The following FGF10 variants were observed in gnomAD, a reference collection of about 807,000 sequenced individuals.
FGF10 encodes the protein fibroblast growth factor 10.
FGF10 carries 2 observed loss-of-function variants against 19.8 expected under a neutral mutation model. That is an observed-to-expected ratio of 0.10 (90% CI 0.04 to 0.32). The LOEUF (loss-of-function observed/expected upper bound fraction) is 0.32, where lower values mean the gene tolerates loss of function less well. Among genes scored for constraint, FGF10 ranks in the 10% least tolerant of loss-of-function variants. The probability of loss-of-function intolerance (pLI) is 1.00; values close to 1 mark genes in which losing one functional copy is unlikely to be tolerated. For missense variants in FGF10, 191 were observed against 246.3 expected (o/e 0.78, Z 1.50); for synonymous variants, 112 against 94.0 (o/e 1.19, Z -1.10).
At position 44,355,582 on chromosome 5, in the gene FGF10, A is replaced by T. The variant is rs183428537; in HGVS notation, c.325+32776T>A. Among the ~76,000 whole-genome samples the T allele has an allele frequency of 2.4e-3, 360 of 151,494 alleles. 3 individuals carry two copies. Among genetic ancestry groups the T allele is most frequent in the Non-Finnish European group, 4.4e-3 (294 of 67,568 alleles). ...GAACTAACAAACGTTTCAGACTCAT[A>T]GTGCAAAACAAAGGAAGACTAATTG... On this transcript the variant is annotated intron_variant, in intron 1 of 2. Coordinates refer to ENST00000264664, the MANE Select transcript of FGF10 (RefSeq NM_004465.2).
At chr5:44,371,344 A>T (rs1741737520) in intron 1 of FGF10, among the ~76,000 whole-genome samples, 2 of 152,128 alleles carry the variant, frequency 1.3e-5, no homozygotes, top group South Asian at 4.1e-4. Context: ...TGGACTTCTC[A>T]GACTTCAGAA....
At chr5:44,384,237 T>C (rs1486216687) in intron 1 of FGF10, among the ~76,000 whole-genome samples, 2 of 152,102 alleles carry the variant, frequency 1.3e-5, no homozygotes, top group Non-Finnish European at 2.9e-5. Flanking sequence ...CATGGATTTT[T>C]CTTAAATAGT....
chr5:44,324,489 T>A (rs1287731544), intron 1 of FGF10, among the ~76,000 whole-genome samples: 2 of 152,164 alleles, frequency 1.3e-5, no homozygotes, highest in Non-Finnish European at 2.9e-5. Context: ...GAAATGTTTT[T>A]ATTTACATTT....
At position 44,304,872 on chromosome 5, in the gene FGF10, T is replaced by G; in HGVS notation, c.*123A>C. 1.0e-6 allele frequency: 1 copy of G among 987,002 alleles called. No homozygotes were observed. The highest frequency in any genetic ancestry group is 1.6e-6 in the Non-Finnish European group (1 of 622,384). 61.1% of individuals were successfully genotyped at this position (987,002 alleles called of 1,614,324 possible). On this transcript the variant is annotated 3_prime_UTR_variant, in exon 3 of 3. Transcript: ENST00000264664. Reference sequence around the variant, plus strand: ...CAAAAACCTTCAAAGGCTGGCTTTCTTTTAAGCAAGCAGACATCTGCAACG... The same window carrying G: ...CAAAAACCTTCAAAGGCTGGCTTTCGTTTAAGCAAGCAGACATCTGCAACG...
intron 1 of FGF10, among the ~76,000 whole-genome samples, chr5:44,312,923 T>A (rs1288186727): frequency 6.6e-6 from 1 of 152,074 alleles, no homozygotes; most frequent in Non-Finnish European, 1.5e-5. Context: ...TTTTGACCCG[T>A]TATTTCTGAG....
Position 44,301,365 on chromosome 5 carries a change from G to A in FGF10, c.*3630C>T, listed in dbSNP as rs1225782526. Among the ~76,000 whole-genome samples the A allele has an allele frequency of 3.3e-5, 5 of 152,116 alleles. No homozygotes were observed. Among genetic ancestry groups the A allele is most frequent in the South Asian group, 2.1e-4 (1 of 4,828 alleles). On this transcript the variant is annotated 3_prime_UTR_variant, in exon 3 of 3. Coordinates refer to ENST00000264664, the MANE Select transcript of FGF10 (RefSeq NM_004465.2). ...AATAATCACAAACCTTGAATTGGCA[G>A]CATCCAAATTATTAGAACTGTGCAG...
At chr5:44,314,592 A>G (rs780601218) in intron 1 of FGF10, among the ~76,000 whole-genome samples, 12 of 152,170 alleles carry the variant, frequency 7.9e-5, no homozygotes, top group Non-Finnish European at 1.0e-4. Flanking sequence ...ATAACTTAGA[A>G]GTCACAATTT....
chr5:44,382,940 G>C (rs1162683293), intron 1 of FGF10, among the ~76,000 whole-genome samples: 1 of 152,070 alleles, frequency 6.6e-6, no homozygotes, highest in Non-Finnish European at 1.5e-5. Context: ...TCATTGCAAA[G>C]TTCACAGAAT....
chr5:44,362,496 G>C (rs1741513822), intron 1 of FGF10, among the ~76,000 whole-genome samples: 1 of 151,544 alleles, frequency 6.6e-6, no homozygotes, highest in Admixed American at 6.6e-5. Flanking sequence ...CCAGCAAACA[G>C]CACAAAGCAA....
intron 1 of FGF10, among the ~76,000 whole-genome samples, chr5:44,346,411 A>G (rs887829801): frequency 5.3e-5 from 8 of 151,868 alleles, no homozygotes; most frequent in African/African-American, 1.9e-4. Context: ...TTCCCAAATT[A>G]ACATGTCAAT....
intron 1 of FGF10, among the ~76,000 whole-genome samples, chr5:44,379,716 A>G (rs1741945082): frequency 6.6e-6 from 1 of 152,048 alleles, no homozygotes; most frequent in Non-Finnish European, 1.5e-5. Flanking sequence ...CTTGGGTTAT[A>G]TTTCCCTCAC....
intron 1 of FGF10, among the ~76,000 whole-genome samples, chr5:44,350,506 G>A (rs1259808305): frequency 8.6e-5 from 13 of 150,760 alleles, no homozygotes; most frequent in Admixed American, 2.0e-4. Context: ...TTCTAACAAT[G>A]GGCATGCAAT....
chr5:44,328,794 T>C (rs1342807973), intron 1 of FGF10, among the ~76,000 whole-genome samples: 1 of 152,088 alleles, frequency 6.6e-6, no homozygotes, highest in African/African-American at 2.4e-5. Flanking sequence ...GTGAAACAAG[T>C]CAGACACAAA....
At chr5:44,357,801 T>G (rs906410808) in intron 1 of FGF10, among the ~76,000 whole-genome samples, 1 of 151,516 alleles carries the variant, frequency 6.6e-6, no homozygotes, top group African/African-American at 2.4e-5. Flanking sequence ...TAGCTAAGTA[T>G]AGCCAAATAA....
At chr5:44,360,099 C>G (rs956108670) in intron 1 of FGF10, among the ~76,000 whole-genome samples, 2 of 151,456 alleles carry the variant, frequency 1.3e-5, no homozygotes, top group African/African-American at 4.8e-5. Context: ...TCATTCAATG[C>G]TTTGGTTCTT....
In FGF10 at chr5:44,388,528, G is replaced by C. The variant is rs775259892; in HGVS notation, c.155C>G (p.Ser52Cys). 70 of 1,614,086 alleles carry C rather than the reference G, an allele frequency of 4.3e-5. No individual in the cohort carries two copies. Among genetic ancestry groups the C allele is most frequent in the Non-Finnish European group, 5.8e-5 (68 of 1,180,058 alleles). ...QDMVSPEATN[S>C]SSSSFSSPSS... Reference sequence around the variant, plus strand: ...AGGAGAGGAGAAGGAGGAGGAAGAAGAGTTGGTGGCCTCTGGTGACACCAT... The same window carrying C: ...AGGAGAGGAGAAGGAGGAGGAAGAACAGTTGGTGGCCTCTGGTGACACCAT... Residue 52 changes from serine to cysteine, a missense_variant, in exon 1 of 3, where the codon TCT becomes TGT. Transcript: ENST00000264664.
At chr5:44,380,368 A>C (rs943668354) in intron 1 of FGF10, among the ~76,000 whole-genome samples, 1 of 152,230 alleles carries the variant, frequency 6.6e-6, no homozygotes, top group African/African-American at 2.4e-5. Flanking sequence ...TCAGTGCCAA[A>C]AAATTCTTAG....
At chr5:44,359,476 T>G (rs1002966468) in intron 1 of FGF10, among the ~76,000 whole-genome samples, 5 of 151,476 alleles carry the variant, frequency 3.3e-5, no homozygotes, top group Non-Finnish European at 7.4e-5. Context: ...GTGAATTAGA[T>G]AAATCTTTTC....
rs1739991825 is a variant in FGF10, at chr5:44,302,661, G to A, written c.*2334C>T. Among the ~76,000 whole-genome samples the A allele has an allele frequency of 1.3e-5, 2 of 152,122 alleles. No homozygotes were observed. Among genetic ancestry groups the A allele is most frequent in the African/African-American group, 4.8e-5 (2 of 41,424 alleles). Reference sequence around the variant, plus strand: ...ATTACAGGTGTGAGCTACTGCACCAGGCAGGTTTTTTGTCTTTCTGTGAGG... The same window carrying A: ...ATTACAGGTGTGAGCTACTGCACCAAGCAGGTTTTTTGTCTTTCTGTGAGG... On this transcript the variant is annotated 3_prime_UTR_variant, in exon 3 of 3. Coordinates refer to ENST00000264664, the MANE Select transcript of FGF10 (RefSeq NM_004465.2).
Sources: allele counts gnomAD v4.1 joint callset (sites outside exome capture counted in the v4.1 genomes callset), GRCh38; gene constraint gnomAD v4.1.1; transcripts MANE v1.5; gene names NCBI Gene and HGNC (gene_info 2026-07-23, HGNC 2026-07-21).